The following EHBP1 variants were observed in gnomAD, a reference collection of about 807,000 sequenced individuals.
The protein encoded by EHBP1 is EH domain-binding protein 1.
A neutral mutation model predicts 144.0 loss-of-function variants in EHBP1; 55 were observed. The ratio of observed to expected loss-of-function variants is 0.38; its 90% confidence interval spans 0.31 to 0.48. The LOEUF (loss-of-function observed/expected upper bound fraction) is 0.48. Ranked by LOEUF, EHBP1 falls within the 20% of genes least tolerant of loss-of-function variation. The pLI, the probability that EHBP1 is intolerant of heterozygous loss-of-function variation, is 0.98. For missense variants in EHBP1, 1,200 were observed against 1,364.2 expected, an observed-to-expected ratio of 0.88 and a Z score of 1.90; for synonymous variants, 469 against 472.7, an observed-to-expected ratio of 0.99 and a Z score of 0.10.
At chr2:62,780,390 T>C (rs902996182) in intron 5 of EHBP1, among the ~76,000 whole-genome samples, 2 of 152,096 alleles carry the variant, frequency 1.3e-5, no homozygotes, top group South Asian at 2.1e-4. Context: ...ATAATAGATA[T>C]GACTAGGAGC....
intron 8 of EHBP1, among the ~76,000 whole-genome samples, chr2:62,862,535 G>A (rs1227881435): frequency 2.0e-5 from 3 of 152,010 alleles, no homozygotes; most frequent in Admixed American, 6.6e-5. Flanking sequence ...GCTTGACACC[G>A]GGAGAGGTCA....
At chr2:62,946,287 A>G (rs1013020425) in intron 12 of EHBP1, among the ~76,000 whole-genome samples, 1 of 152,128 alleles carries the variant, frequency 6.6e-6, no homozygotes, top group African/African-American at 2.4e-5. Flanking sequence ...CATACTTTGG[A>G]TTTACATATT....
intron 5 of EHBP1, among the ~76,000 whole-genome samples, chr2:62,778,032 G>A (rs145154223): frequency 1.3e-5 from 2 of 152,152 alleles, no homozygotes; most frequent in African/African-American, 2.4e-5. Context: ...TTGGTTCTTC[G>A]TCCTCCGTGA....
chr2:62,822,799 A>C (rs1260361302), intron 5 of EHBP1, among the ~76,000 whole-genome samples: 2 of 152,182 alleles, frequency 1.3e-5, no homozygotes, highest in Non-Finnish European at 2.9e-5. Flanking sequence ...AAATCTGCCA[A>C]AGATTAACCA....
intron 10 of EHBP1, among the ~76,000 whole-genome samples, chr2:62,913,955 T>A (rs1558904232): frequency 6.6e-6 from 1 of 152,060 alleles, no homozygotes; most frequent in Non-Finnish European, 1.5e-5. Flanking sequence ...AAAAGAGGGG[T>A]TGGATAGATT....
chr2:62,879,731 A>G (rs1311676768), intron 10 of EHBP1, among the ~76,000 whole-genome samples: 1 of 152,160 alleles, frequency 6.6e-6, no homozygotes, highest in Non-Finnish European at 1.5e-5. Flanking sequence ...GTAGAAAAAC[A>G]TTATATGCTC....
chr2:62,888,012 T>G lies in EHBP1; in HGVS notation c.1185+13480T>G, dbSNP rs1414880631. ...TTTCCCTCCTATAGCACATATGGTA[T>G]CATTTCTAAAACATATTTGGATGTG... On this transcript the variant is annotated intron_variant, in intron 10 of 22. Coordinates refer to ENST00000431489, the MANE Select transcript of EHBP1 (RefSeq NM_001142616.3). Among the ~76,000 whole-genome samples, 4 of 152,328 alleles carry G rather than the reference T, an allele frequency of 2.6e-5. No individual in the cohort carries two copies. The East Asian group carries it at 7.7e-4, about 29-fold the overall frequency.
At chr2:62,812,812 T>C (rs1043876650) in intron 5 of EHBP1, among the ~76,000 whole-genome samples, 1 of 152,102 alleles carries the variant, frequency 6.6e-6, no homozygotes, top group African/African-American at 2.4e-5. Flanking sequence ...GGAGAGAAAT[T>C]ATTTAAAGAC....
At chr2:62,774,867 C>A (rs72888944) in intron 5 of EHBP1, among the ~76,000 whole-genome samples, 5,842 of 151,986 alleles carry the variant, frequency 0.038, 385 homozygotes, top group African/African-American at 0.13. Context: ...ACAAAAAAAA[C>A]CAGATAACAA....
chr2:62,811,578 G>A lies in EHBP1; in HGVS notation c.313-14509G>A, dbSNP rs148841726. On this transcript the variant is annotated intron_variant, in intron 5 of 22. Transcript: ENST00000431489. ...AATGCAGAAATCATTAGTCTTGATAGTATAGCATGTCAAATTATTTTGTTT... is the reference window on the plus strand; with the variant it reads ...AATGCAGAAATCATTAGTCTTGATAATATAGCATGTCAAATTATTTTGTTT... Among the ~76,000 whole-genome samples, 117 of 152,296 alleles carry A rather than the reference G, an allele frequency of 7.7e-4. 1 individual carries two copies. In the East Asian group the frequency reaches 0.014, roughly 19 times the overall value.
chr2:62,974,227 C>T (rs1271947223), intron 14 of EHBP1, among the ~76,000 whole-genome samples: 2 of 152,042 alleles, frequency 1.3e-5, no homozygotes, highest in African/African-American at 4.8e-5. Flanking sequence ...CATTGCTTTG[C>T]TTTTTTGAGG....
chr2:62,975,887 T>TACAC (rs57375651), intron 14 of EHBP1, among the ~76,000 whole-genome samples: 6,059 of 123,654 alleles, frequency 0.049, 143 homozygotes, highest in Admixed American at 0.075. Flanking sequence ...TTACTGTATG[T>TACAC]ACACACACAC....
At chr2:62,788,796 T>A (rs1477228206) in intron 5 of EHBP1, among the ~76,000 whole-genome samples, 1 of 152,204 alleles carries the variant, frequency 6.6e-6, no homozygotes, top group East Asian at 1.9e-4. Flanking sequence ...TCCAGTACCT[T>A]CATTACTAAT....
chr2:62,965,966 T>C (rs748172158), intron 14 of EHBP1, among the ~76,000 whole-genome samples: 11 of 152,202 alleles, frequency 7.2e-5, no homozygotes, highest in Non-Finnish European at 1.5e-4. Context: ...TAGATTATAA[T>C]TTTGAAATGG....
upstream of EHBP1, among the ~76,000 whole-genome samples, chr2:62,703,381 A>G (rs1225945825): frequency 2.0e-5 from 3 of 152,172 alleles, no homozygotes; most frequent in Admixed American, 6.5e-5. Flanking sequence ...TTCAATAACT[A>G]TCAGCAAAGC....
intron 10 of EHBP1, among the ~76,000 whole-genome samples, chr2:62,931,954 G>A (rs2056029038): frequency 6.6e-6 from 1 of 152,082 alleles, no homozygotes; most frequent in Non-Finnish European, 1.5e-5. Flanking sequence ...CAAGGTGGGA[G>A]CATCAGTCAG....
chr2:62,933,791 A>AC (rs1023794437), intron 10 of EHBP1, among the ~76,000 whole-genome samples: 3 of 151,840 alleles, frequency 2.0e-5, no homozygotes, highest in African/African-American at 2.4e-5. Flanking sequence ...TTTAAGTATG[A>AC]CCCCCCTAAA....
intron 10 of EHBP1, among the ~76,000 whole-genome samples, chr2:62,924,492 G>A (rs1390234043): frequency 2.0e-5 from 3 of 151,936 alleles, no homozygotes; most frequent in Non-Finnish European, 4.4e-5. Flanking sequence ...AAAGAGAGAA[G>A]ACCCAAATAA....
chr2:62,946,800 G>A (rs577698279), intron 12 of EHBP1, among the ~76,000 whole-genome samples: 1 of 152,186 alleles, frequency 6.6e-6, no homozygotes, highest in South Asian at 2.1e-4. Flanking sequence ...AAGAAACCTA[G>A]TTTGTTTTTA....
Sources: gnomAD v4.1 joint callset for allele counts (sites outside exome capture counted in the v4.1 genomes callset) on GRCh38, gnomAD v4.1.1 for gene constraint, MANE v1.5 for transcripts, NCBI Gene and HGNC (gene_info 2026-07-23, HGNC 2026-07-21) for gene names.